Variants in MAGI2 observed in about 807,000 individuals in gnomAD.
The protein encoded by MAGI2 is membrane associated guanylate kinase, WW and PDZ domain containing 2.
MAGI2 carries 35 observed loss-of-function variants against 133.3 expected under a neutral mutation model. That is an observed-to-expected ratio of 0.26 (90% CI 0.20 to 0.35). The LOEUF (loss-of-function observed/expected upper bound fraction) is 0.35, where lower values mean the gene tolerates loss of function less well. MAGI2 is among the 10% of genes least tolerant of loss of function. MAGI2 has a pLI of 1.00. For synonymous variants in MAGI2, 729 were observed against 710.6 expected (o/e 1.03, Z -0.41); for missense variants, 1,636 against 1,863.4 (o/e 0.88, Z 2.25).
At chr7:78,611,213 G>A (rs929141007) in intron 3 of MAGI2, among the ~76,000 whole-genome samples, 1 of 152,112 alleles carries the variant, frequency 6.6e-6, no homozygotes, top group Non-Finnish European at 1.5e-5. Context: ...TCTGTGCTTG[G>A]CAACTAATAT....
Position 78,083,327 on chromosome 7 carries a change from TGAGAGG to T in MAGI2, c.3568-4248_3568-4243del, listed in dbSNP as rs1386702337. 9.3e-5 allele frequency among the ~76,000 whole-genome samples: 11 copies of T among 117,762 alleles called. No homozygotes were observed. In the East Asian group the frequency reaches 2.0e-3, roughly 21 times the overall value. The allele number at this position is 117,762 out of a possible 152,430, so 77.3% of individuals were successfully genotyped here. A position where few individuals can be genotyped will look rare whatever the true frequency, so the allele number is the denominator to read the frequency against. ...TATTTTTAAAATATCGAGTTCCAGT[TGAGAGG>T]GAGAGGGAGAGGGAGAAGGAGATGG... On this transcript the variant is annotated intron_variant, in intron 20 of 21. Transcript: ENST00000354212.
At chr7:79,043,332 C>T (rs1811847983) in intron 1 of MAGI2, among the ~76,000 whole-genome samples, 1 of 151,620 alleles carries the variant, frequency 6.6e-6, no homozygotes, top group Non-Finnish European at 1.5e-5. Flanking sequence ...ATCACGAGGT[C>T]AGGGGTTTGA....
chr7:78,925,976 G>T (rs1275018399), intron 2 of MAGI2, among the ~76,000 whole-genome samples: 1 of 151,852 alleles, frequency 6.6e-6, no homozygotes, highest in African/African-American at 2.4e-5. Flanking sequence ...TTATGACCCT[G>T]CCTAGTCACT....
chr7:79,011,518 C>T (rs1266852558), intron 1 of MAGI2, among the ~76,000 whole-genome samples: 2 of 152,132 alleles, frequency 1.3e-5, no homozygotes, highest in African/African-American at 4.8e-5. Flanking sequence ...ACCATCAGCT[C>T]AACCTTCCCC....
chr7:78,123,364 C>T (rs765950042), intron 20 of MAGI2, among the ~76,000 whole-genome samples: 3 of 152,074 alleles, frequency 2.0e-5, no homozygotes, highest in Admixed American at 2.0e-4. Context: ...GCAGAACTAA[C>T]CCTATATACA....
intron 1 of MAGI2, among the ~76,000 whole-genome samples, chr7:79,152,317 A>G (rs1179625437): frequency 1.3e-5 from 2 of 152,214 alleles, no homozygotes; most frequent in Admixed American, 1.3e-4. Flanking sequence ...TGTTTTTGTC[A>G]AGACTCCTGT....
At chr7:78,625,665 T>C (rs915903289) in intron 3 of MAGI2, among the ~76,000 whole-genome samples, 24 of 152,190 alleles carry the variant, frequency 1.6e-4, no homozygotes, top group African/African-American at 5.5e-4. Flanking sequence ...GCTAATGGAC[T>C]CACCCAGAGC....
intron 2 of MAGI2, among the ~76,000 whole-genome samples, chr7:79,005,783 A>G (rs753466652): frequency 6.6e-5 from 10 of 152,194 alleles, no homozygotes; most frequent in Non-Finnish European, 8.8e-5. Flanking sequence ...ACTTTAATCC[A>G]TCTTCCTTTG....
intron 1 of MAGI2, among the ~76,000 whole-genome samples, chr7:79,097,848 G>T (rs562294401): frequency 2.0e-5 from 3 of 152,144 alleles, no homozygotes; most frequent in African/African-American, 7.2e-5. Context: ...TGGGCCAGGC[G>T]TGGTGGCTTA....
At chr7:78,625,272 C>T (rs1283377742) in intron 3 of MAGI2, among the ~76,000 whole-genome samples, 2 of 151,390 alleles carry the variant, frequency 1.3e-5, no homozygotes, top group Non-Finnish European at 2.9e-5. Flanking sequence ...AAATGATTGG[C>T]TACAATGTAA....
At chr7:79,186,224 A>ATATT (rs1827105640) in intron 1 of MAGI2, among the ~76,000 whole-genome samples, 1 of 106,998 alleles carries the variant, frequency 9.3e-6, no homozygotes, top group Non-Finnish European at 2.1e-5. Context: ...ATATATATAT[A>ATATT]TATATATATA....
intron 13 of MAGI2, among the ~76,000 whole-genome samples, chr7:78,179,599 C>T (rs778183085): frequency 2.0e-5 from 3 of 152,172 alleles, no homozygotes; most frequent in Non-Finnish European, 2.9e-5. Context: ...ATGCATTGTA[C>T]AAGATTCAAT....
chr7:79,235,412 T>C (rs1367984159), intron 1 of MAGI2, among the ~76,000 whole-genome samples: 4 of 152,182 alleles, frequency 2.6e-5, no homozygotes, highest in Admixed American at 6.5e-5. Context: ...GCCTTGCAGT[T>C]TGATCTCAGA....
intron 3 of MAGI2, among the ~76,000 whole-genome samples, chr7:78,584,151 G>A (rs1422263410): frequency 6.6e-6 from 1 of 152,168 alleles, no homozygotes; most frequent in Non-Finnish European, 1.5e-5. Flanking sequence ...GCCGGGCACG[G>A]TGGCTCACGC....
intron 1 of MAGI2, among the ~76,000 whole-genome samples, chr7:79,323,473 G>A (rs919791110): frequency 6.6e-6 from 1 of 152,140 alleles, no homozygotes. Flanking sequence ...AGGGCCGGCA[G>A]TGGGTGTGAA....
chr7:78,569,553 G>T (rs908156582), intron 3 of MAGI2, among the ~76,000 whole-genome samples: 1 of 151,678 alleles, frequency 6.6e-6, no homozygotes, highest in Admixed American at 6.6e-5. Context: ...TATCACTTGC[G>T]TTTAAGAAAA....
intron 1 of MAGI2, among the ~76,000 whole-genome samples, chr7:79,035,632 G>T (rs1811059474): frequency 6.6e-6 from 1 of 152,126 alleles, no homozygotes; most frequent in African/African-American, 2.4e-5. Flanking sequence ...ATGATTATAA[G>T]ATTTTAAAAT....
chr7:79,409,344 T>G (rs1259237205), intron 1 of MAGI2, among the ~76,000 whole-genome samples: 1 of 151,990 alleles, frequency 6.6e-6, no homozygotes, highest in Non-Finnish European at 1.5e-5. Context: ...AGGCTGGTCT[T>G]GAACTCCTGG....
chr7:78,194,881 T>A lies in MAGI2; in HGVS notation c.2262A>T (p.Glu754Asp). 2 of 1,601,506 alleles carry A rather than the reference T, an allele frequency of 1.2e-6. No individual in the cohort carries two copies. Among genetic ancestry groups the A allele is most frequent in the Non-Finnish European group, 1.7e-6 (2 of 1,175,390 alleles). ...ELYEKSRAIYESRQQVPPRTS... is the reference protein window; with the variant it reads ...ELYEKSRAIYDSRQQVPPRTS... ...CATGTGGCTTTCACTTACGCCTACT[T>A]TCATAAATGGCCCTAGATTTCTCGT... The change falls in exon 12 of 22, where the codon GAA (glutamate) becomes GAT (aspartate). Residue 754 changes from glutamate (E) to aspartate (D), a missense_variant. By Grantham distance (45) the Glu-to-Asp change is conservative. Coordinates refer to ENST00000354212, the MANE Select transcript of MAGI2 (RefSeq NM_012301.4).
Sources: allele counts gnomAD v4.1 joint callset (sites outside exome capture counted in the v4.1 genomes callset), GRCh38; gene constraint gnomAD v4.1.1; transcripts MANE v1.5; gene names NCBI Gene and HGNC (gene_info 2026-07-23, HGNC 2026-07-21).